Variants in PHACTR1 observed in about 807,000 individuals in gnomAD.
PHACTR1 encodes the protein phosphatase and actin regulator 1.
PHACTR1 carries 16 observed loss-of-function variants against 69.2 expected under a neutral mutation model. The ratio of observed to expected loss-of-function variants is 0.23; its 90% CI spans 0.16 to 0.35. PHACTR1 has a LOEUF of 0.35. Among genes scored for constraint, PHACTR1 ranks in the 10% least tolerant of loss-of-function variants. The probability of loss-of-function intolerance (pLI) is 1.00; values close to 1 mark genes in which losing one functional copy is unlikely to be tolerated. For missense variants in PHACTR1, 510 were observed against 734.7 expected (o/e 0.69, Z 3.54); for synonymous variants, 312 against 284.5 (o/e 1.10, Z -0.97).
rs563117616 is a variant in PHACTR1 at position 12,896,577 on chromosome 6, C to T, written c.250+146787C>T. Among the ~76,000 whole-genome samples the T allele has an allele frequency of 2.0e-5, 3 of 152,256 alleles. No homozygotes were observed. The East Asian group carries it at 5.8e-4, about 29-fold the overall frequency. On this transcript the variant is annotated intron_variant, in intron 4 of 14. Transcript: ENST00000332995. ...TGAAATGCCAGACAGTGCCATGGGA[C>T]AGAAAACACCATAGGGCATTGGATG... is the stretch of plus-strand genomic sequence containing the variant.
At chr6:12,902,467 C>CCCTT (rs1234273573) in intron 4 of PHACTR1, among the ~76,000 whole-genome samples, 2 of 152,096 alleles carry the variant, frequency 1.3e-5, no homozygotes, top group Non-Finnish European at 2.9e-5. Context: ...AACAATCTTC[C>CCCTT]CCTTACCTTC....
At chr6:12,865,900 G>A (rs533734496) in intron 4 of PHACTR1, among the ~76,000 whole-genome samples, 1 of 152,214 alleles carries the variant, frequency 6.6e-6, no homozygotes, top group East Asian at 1.9e-4. Context: ...GAAGTTCAGT[G>A]GGAGAGCACT....
At chr6:12,974,851 G>C (rs928647374) in intron 4 of PHACTR1, among the ~76,000 whole-genome samples, 1 of 152,160 alleles carries the variant, frequency 6.6e-6, no homozygotes, top group Non-Finnish European at 1.5e-5. Flanking sequence ...TCAGTAAAAG[G>C]TGTTATTTTC....
chr6:13,077,937 T>C (rs1392251394), intron 5 of PHACTR1, among the ~76,000 whole-genome samples: 1 of 151,976 alleles, frequency 6.6e-6, no homozygotes, highest in Admixed American at 6.6e-5. Flanking sequence ...TTAACAGCCA[T>C]GGATAAGAGT....
intron 5 of PHACTR1, among the ~76,000 whole-genome samples, chr6:13,076,026 T>TC (rs1491256239): frequency 2.9e-5 from 4 of 136,494 alleles, no homozygotes; most frequent in African/African-American, 1.2e-4. Flanking sequence ...CAAGGGAGCA[T>TC]CTTTTTTTTT....
intron 4 of PHACTR1, among the ~76,000 whole-genome samples, chr6:12,882,799 A>G (rs560223193): frequency 6.6e-6 from 1 of 152,284 alleles, no homozygotes; most frequent in East Asian, 1.9e-4. Flanking sequence ...TGTGGGTTCA[A>G]TAGAAAAAAT....
intron 12 of PHACTR1, chr6:13,281,155 C>T (rs1780103045): frequency 7.8e-7 from 1 of 1,279,196 alleles, no homozygotes; most frequent in South Asian, 1.3e-5. Context: ...TCACTCCAGA[C>T]TCTGCCATAG....
At chr6:12,948,938 G>C (rs993359029) in intron 4 of PHACTR1, among the ~76,000 whole-genome samples, 2 of 152,114 alleles carry the variant, frequency 1.3e-5, no homozygotes, top group Non-Finnish European at 2.9e-5. Context: ...ATGCTTGAAG[G>C]TCAGATCAAG....
chr6:12,918,915 C>T (rs958329490), intron 4 of PHACTR1, among the ~76,000 whole-genome samples: 12 of 152,088 alleles, frequency 7.9e-5, no homozygotes, highest in Admixed American at 1.3e-4. Context: ...GAAAAAGTTG[C>T]GAAATTTCTT....
intron 4 of PHACTR1, among the ~76,000 whole-genome samples, chr6:12,906,114 G>C (rs6912234): frequency 0.12 from 18,120 of 152,158 alleles, 2,555 homozygotes; most frequent in African/African-American, 0.34. Context: ...GTCACTTGTG[G>C]TCTGAGTGTA....
chr6:13,163,473 C>CA (rs576731952), intron 6 of PHACTR1, among the ~76,000 whole-genome samples: 28 of 152,288 alleles, frequency 1.8e-4, no homozygotes, highest in African/African-American at 6.7e-4. Flanking sequence ...CCCCAAGCCC[C>CA]AAATCATGTC....
chr6:13,018,305 T>G (rs746216003), intron 4 of PHACTR1, among the ~76,000 whole-genome samples: 10 of 152,168 alleles, frequency 6.6e-5, no homozygotes, highest in Non-Finnish European at 1.2e-4. Flanking sequence ...GAACCTGTCC[T>G]TGAAGAGGGA....
rs1402848746 is a variant in PHACTR1 at position 12,776,956 on chromosome 6, T to C, written c.250+27166T>C. Among the ~76,000 whole-genome samples, 7 of 152,252 alleles carry C rather than the reference T, an allele frequency of 4.6e-5. 1 individual carries two copies. The Middle Eastern group carries it at 0.017, about 370-fold the overall frequency. ...TCCTTTTTCCATTGAGTCAAAATAA[T>C]AGTGGTGTATAGAAGGCTCCAACAG... On this transcript the variant is annotated intron_variant, in intron 4 of 14. Coordinates refer to ENST00000332995, the MANE Select transcript of PHACTR1 (RefSeq NM_030948.6).
chr6:13,278,876 T>C (rs185283846), intron 12 of PHACTR1, among the ~76,000 whole-genome samples: 2 of 151,902 alleles, frequency 1.3e-5, no homozygotes, highest in African/African-American at 2.4e-5. Flanking sequence ...GGTTGGAGAA[T>C]TGCTTGAGCC....
At chr6:13,102,294 T>C (rs1344170305) in intron 5 of PHACTR1, among the ~76,000 whole-genome samples, 1 of 152,176 alleles carries the variant, frequency 6.6e-6, no homozygotes, top group Non-Finnish European at 1.5e-5. Context: ...TTGACCAAGT[T>C]GTCCTGGAGA....
rs142362075 is a variant in PHACTR1, at chr6:13,278,440, TGTGTC to T, written c.1509+112_1509+116del. The T allele has an allele frequency of 1.1e-3, 1,061 of 931,728 alleles. 11 individuals are homozygous for T. The African/African-American group carries it at 0.016, about 14-fold the overall frequency. The allele number at this position is 931,728 out of a possible 1,614,324, so 57.7% of individuals were successfully genotyped here. A position where few individuals can be genotyped will look rare whatever the true frequency, so the allele number is the denominator to read the frequency against. ...CACCGCTGCCTGGTTCCTCTCCTCC[TGTGTC>T]AGAGAGTGCCACTCTCTTACTCTAT... On this transcript the variant is annotated intron_variant, in intron 12 of 14. Transcript: ENST00000332995.
chr6:12,971,640 T>G (rs1162703058), intron 4 of PHACTR1, among the ~76,000 whole-genome samples: 1 of 152,204 alleles, frequency 6.6e-6, no homozygotes, highest in Non-Finnish European at 1.5e-5. Flanking sequence ...AAATCACCAC[T>G]CTATTCCTTT....
At chr6:13,207,467 G>A (rs1766107293) in intron 8 of PHACTR1, among the ~76,000 whole-genome samples, 1 of 152,194 alleles carries the variant, frequency 6.6e-6, no homozygotes, top group African/African-American at 2.4e-5. Context: ...TCGCTCTTCG[G>A]GGAGAGCTGC....
rs562647391 is a variant in PHACTR1, at chr6:12,726,833, C to T, written c.103+7986C>T. Among the ~76,000 whole-genome samples the T allele has an allele frequency of 2.0e-5, 3 of 152,312 alleles. No homozygotes were observed. In the East Asian group the frequency reaches 5.8e-4, roughly 29 times the overall value. On this transcript the variant is annotated intron_variant, in intron 3 of 14. Transcript: ENST00000332995. ...TTTCCATTCTCCCTTCTAATGTCCT[C>T]CCACCTGCCCCTCAGAGTCCTGCCA...
Sources: allele counts gnomAD v4.1 joint callset (sites outside exome capture counted in the v4.1 genomes callset), GRCh38; gene constraint gnomAD v4.1.1; transcripts MANE v1.5; gene names NCBI Gene and HGNC (gene_info 2026-07-23, HGNC 2026-07-21).